The following MARF1 variants were observed in gnomAD, a reference collection of about 807,000 sequenced individuals.
MARF1 encodes meiosis regulator and mRNA stability factor 1.
Under a neutral mutation model 168.2 loss-of-function variants are expected in MARF1, and 24 were observed. The ratio of observed to expected loss-of-function variants is 0.14; its 90% CI spans 0.10 to 0.20. The LOEUF is 0.20. Among genes scored for constraint, MARF1 ranks in the 10% least tolerant of loss-of-function variants. The pLI is 1.00. For missense variants in MARF1, 1,744 were observed against 2,143.6 expected (o/e 0.81, Z 3.68); for synonymous variants, 868 against 822.4 (o/e 1.06, Z -0.95).
At position 15,596,516 on chromosome 16, in the gene MARF1, A is replaced by C. The variant is rs2031701131; in HGVS notation, c.*177T>G. On this transcript the variant is annotated 3_prime_UTR_variant, in exon 27 of 27. Coordinates refer to ENST00000396368, the MANE Select transcript of MARF1 (RefSeq NM_014647.4). ...AAGAAAAAGGAAGAAGAAAAGAAAG[A>C]CTTCAGCTCAAAGCTGTGTTCAATG... 1 of 480,338 alleles carries C rather than the reference A, an allele frequency of 2.1e-6. No individual in the cohort carries two copies. Among genetic ancestry groups the C allele is most frequent in the South Asian group, 8.2e-5 (1 of 12,136 alleles). 29.8% of individuals were successfully genotyped at this position (480,338 alleles called of 1,614,324 possible). A position where few individuals can be genotyped will look rare whatever the true frequency, so the allele number is the denominator to read the frequency against.
chr16:15,608,552 TAAAC>T (rs1019861077), intron 20 of MARF1, 34 bp from the exon 21 acceptor site: 30 of 1,516,574 alleles, frequency 2.0e-5, no homozygotes, highest in Non-Finnish European at 2.5e-5. Flanking sequence ...AAAGGGAAAA[TAAAC>T]AAATCACGGG....
In MARF1 at chr16:15,620,495, G is replaced by C. The variant is rs1467990081; in HGVS notation, c.2676C>G (p.Ala892=). 6.2e-7 allele frequency: 1 copy of C among 1,613,246 alleles called. No homozygotes were observed. The highest frequency in any genetic ancestry group is 1.1e-5 in the South Asian group (1 of 90,908). The change falls in exon 13 of 27, where the codon GCC becomes GCG. Residue 892 remains alanine, a synonymous_variant. Transcript: ENST00000396368. ...ETMSVLQDAP[A]CCLPLFKFTD... ...TAAATTTAAACAGAGGCAGGCAACAGGCAGGGGCATCCTGAAGAACAGACA... is the reference window on the plus strand; with the variant it reads ...TAAATTTAAACAGAGGCAGGCAACACGCAGGGGCATCCTGAAGAACAGACA...
chr16:15,640,500 T>C (rs1188007666), intron 1 of MARF1, among the ~76,000 whole-genome samples: 3 of 152,150 alleles, frequency 2.0e-5, no homozygotes, highest in African/African-American at 7.2e-5. Context: ...GCCCAGGAGT[T>C]CCCAACCAGC....
chr16:15,608,853 G>C (rs1332487196), intron 20 of MARF1: 2 of 332,996 alleles, frequency 6.0e-6, no homozygotes, highest in Non-Finnish European at 5.6e-6. Context: ...CTTAGCAACA[G>C]CGAACAGCTT....
At position 15,634,991 on chromosome 16, in the gene MARF1, G is replaced by A. The variant is rs1285772689; in HGVS notation, c.832-60C>T. On this transcript the variant is annotated intron_variant, in intron 3 of 26. Coordinates refer to ENST00000396368, the MANE Select transcript of MARF1 (RefSeq NM_014647.4). ...CAGATACATCATTTCAGAAGCTGGAGTTATATACAACAACTGAAAATACAC... is the reference window on the plus strand; with the variant it reads ...CAGATACATCATTTCAGAAGCTGGAATTATATACAACAACTGAAAATACAC... 11 of 1,459,148 alleles carry A rather than the reference G, an allele frequency of 7.5e-6. No individual in the cohort carries two copies. The East Asian group carries it at 2.1e-4, about 27-fold the overall frequency. The allele number at this position is 1,459,148 out of a possible 1,614,324, so 90.4% of individuals were successfully genotyped here. A position where few individuals can be genotyped will look rare whatever the true frequency, so the allele number is the denominator to read the frequency against.
intron 2 of MARF1, among the ~76,000 whole-genome samples, chr16:15,637,932 C>T (rs187683270): frequency 5.3e-5 from 8 of 151,668 alleles, no homozygotes; most frequent in South Asian, 2.1e-4. Flanking sequence ...CTTGGGAGGC[C>T]GAGGCGGGTG....
rs775193529 is a variant in MARF1 at position 15,636,239 on chromosome 16, A to T, written c.248T>A (p.Ile83Asn). The T allele has an allele frequency of 6.2e-7, 1 of 1,614,236 alleles. No homozygotes were observed. The highest frequency in any genetic ancestry group is 2.2e-5 in the East Asian group (1 of 44,888). The change falls in exon 3 of 27, where the codon ATT becomes AAT. Residue 83 changes from isoleucine (I) to asparagine (N), a missense_variant. Ile to Asn is a moderately radical substitution (Grantham distance 149). Coordinates refer to ENST00000396368, the MANE Select transcript of MARF1 (RefSeq NM_014647.4). ...KLFPAVPLPD[I>N]RSLQQPKIQL... The stretch of plus-strand genomic sequence containing the variant: ...TATTTTAGGCTGCTGAAGAGAACGA[A>T]TATCAGGAAGTGGGACTGCTGGAAA...
intron 11 of MARF1, 62 bp downstream of exon 11, chr16:15,622,872 C>T (rs2034563862): frequency 1.5e-6 from 2 of 1,359,072 alleles, no homozygotes; most frequent in Non-Finnish European, 2.0e-6. Flanking sequence ...CAAATTAGGT[C>T]CTCTTGACTA....
At chr16:15,611,975 T>C (rs1488855934) in intron 17 of MARF1, among the ~76,000 whole-genome samples, 5 of 152,184 alleles carry the variant, frequency 3.3e-5, no homozygotes, top group African/African-American at 7.2e-5. Context: ...TCGTTGAGTA[T>C]AAAAATGAAA....
rs781138111 is a variant in MARF1, at chr16:15,622,976, C to T, written c.2418G>A (p.Glu806=). 21 of 1,592,162 alleles carry T rather than the reference C, an allele frequency of 1.3e-5. No individual in the cohort carries two copies. The highest frequency in any genetic ancestry group is 1.8e-5 in the Non-Finnish European group (21 of 1,162,662). The change falls in exon 11 of 27, where the codon GAG becomes GAA. Residue 806 remains glutamate, a synonymous_variant. Coordinates refer to ENST00000396368, the MANE Select transcript of MARF1 (RefSeq NM_014647.4). ...ATGCTTCCTGCAGGAGCTGCTGCAG[C>T]TCCTTCCGGGATAATCTGTAGTCTA... is the stretch of plus-strand genomic sequence containing the variant. ...SNIDYRLSRK[E]LQQLLQEAFA... is the part of the protein sequence containing the mutation.
At position 15,634,851 on chromosome 16, in the gene MARF1, A is replaced by G. The variant is rs1567587882; in HGVS notation, c.912T>C (p.Ala304=). The G allele has an allele frequency of 1.9e-6, 3 of 1,614,206 alleles. No homozygotes were observed. The highest frequency in any genetic ancestry group is 1.7e-5 in the Admixed American group (1 of 60,008). Residue 304 remains alanine (A), a synonymous_variant, in exon 4 of 27, where the codon GCT becomes GCC. Transcript: ENST00000396368. ...TTCCACAGCCATTACACAGAGGGAC[A>G]GCAAGAGGTGCAGGTTGAGTATTTG... ...PPPNTQPAPL[A]VPLCNGCGTK...
intron 19 of MARF1, 63 bp downstream of exon 19, chr16:15,610,912 C>A: frequency 6.6e-7 from 1 of 1,521,492 alleles, no homozygotes; most frequent in Admixed American, 1.8e-5. Context: ...ATCTTCCATG[C>A]CACACTATGT....
Position 15,633,718 on chromosome 16 carries a change from G to A in MARF1, c.1132C>T (p.Arg378Cys). ...CTGTGGCCTTTAAAAAACTTCTCACGGATTCTTTGCACAACAGCAGTTGCT... is the reference window on the plus strand; with the variant it reads ...CTGTGGCCTTTAAAAAACTTCTCACAGATTCTTTGCACAACAGCAGTTGCT... Reference protein sequence around the residue: ...RSATAVVQRIREKFFKGHREA... With the variant: ...RSATAVVQRICEKFFKGHREA... Residue 378 changes from arginine to cysteine, a missense_variant, in exon 5 of 27, where the codon CGT (arginine) becomes TGT (cysteine). Around this residue, in one of 7 missense-constraint regions of MARF1, gnomAD observed 217 missense variants for 372.4 expected, o/e 0.58. Coordinates refer to ENST00000396368, the MANE Select transcript of MARF1 (RefSeq NM_014647.4). The A allele has an allele frequency of 1.2e-6, 2 of 1,613,760 alleles. No homozygotes were observed. Among genetic ancestry groups the A allele is most frequent in the Non-Finnish European group, 1.7e-6 (2 of 1,179,944 alleles).
intron 5 of MARF1, among the ~76,000 whole-genome samples, chr16:15,632,097 A>G (rs1472679423): frequency 6.6e-6 from 1 of 152,188 alleles, no homozygotes; most frequent in Admixed American, 6.5e-5. Flanking sequence ...TAATCTCAAC[A>G]TTGGTTCTTG....
intron 15 of MARF1, 45 bp from the exon 16 acceptor site, chr16:15,616,050 A>G (rs2034019976): frequency 2.8e-6 from 4 of 1,407,876 alleles, no homozygotes; most frequent in Middle Eastern, 1.9e-4. Flanking sequence ...TTAAATCAAA[A>G]TAACAGAAAA....
chr16:15,600,850 C>T (rs2032351192), intron 23 of MARF1, 149 bp from the exon 24 acceptor site: 1 of 822,668 alleles, frequency 1.2e-6, no homozygotes, highest in Non-Finnish European at 2.1e-6. Context: ...CTACTCTCTC[C>T]TTAGCTTTTA....
chr16:15,632,384 T>G (rs913572785), intron 5 of MARF1, among the ~76,000 whole-genome samples: 2 of 152,196 alleles, frequency 1.3e-5, no homozygotes, highest in African/African-American at 4.8e-5. Context: ...TTGTTTTGTT[T>G]TGGGCTTTTA....
At chr16:15,611,181 G>A (rs770625561) in intron 18 of MARF1, 73 bp from the exon 19 acceptor site, 112 of 1,458,848 alleles carry the variant, frequency 7.7e-5, no homozygotes, top group Non-Finnish European at 9.4e-5. Context: ...TTTTCCGGCC[G>A]GGCGCTGGGG....
In MARF1 at chr16:15,598,878, C is replaced by G. The variant is rs2032059108; in HGVS notation, c.4960G>C (p.Glu1654Gln). Reference sequence around the variant, plus strand: ...CCAGAAGGCTCTTGAGGGCGCTCCTCAAACTGAATGAGATCAGCAGATTGG... The same window carrying G: ...CCAGAAGGCTCTTGAGGGCGCTCCTGAAACTGAATGAGATCAGCAGATTGG... Reference protein sequence around the residue: ...ILQSADLIQFEERPQEPSEIM... With the variant: ...ILQSADLIQFQERPQEPSEIM... Residue 1654 changes from glutamate (E) to glutamine (Q), a missense_variant, in exon 26 of 27, where the codon GAG becomes CAG. By Grantham distance (29) the Glu-to-Gln change is conservative. Coordinates refer to ENST00000396368, the MANE Select transcript of MARF1 (RefSeq NM_014647.4). 1 of 1,613,960 alleles carries G rather than the reference C, an allele frequency of 6.2e-7. No homozygotes were observed. Among genetic ancestry groups the G allele is most frequent in the Admixed American group, 1.7e-5 (1 of 59,980 alleles).
Sources: allele counts gnomAD v4.1 joint callset (sites outside exome capture counted in the v4.1 genomes callset), GRCh38; gene constraint gnomAD v4.1.1; regional missense constraint gnomAD v4.1.1; transcripts MANE v1.5; gene names NCBI Gene and HGNC (gene_info 2026-07-23, HGNC 2026-07-21).